PCNX2: variants seen among roughly 807,000 people sequenced by gnomAD.
PCNX2 encodes pecanex-like protein 2.
A neutral mutation model predicts 223.8 loss-of-function variants in PCNX2; 168 were observed. The observed-to-expected ratio is 0.75, with a 90% confidence interval of 0.66 to 0.85. The LOEUF (loss-of-function observed/expected upper bound fraction) is 0.85, where lower values mean the gene tolerates loss of function less well. Ranked by LOEUF, PCNX2 falls within the 40% of genes least tolerant of loss-of-function variation. The pLI, the probability that PCNX2 is intolerant of heterozygous loss-of-function variation, is 0.00. For missense variants in PCNX2, 2,507 were observed against 2,675.5 expected (o/e 0.94, Z 1.39); for synonymous variants, 1,006 against 1,052.6 (o/e 0.96, Z 0.86).
chr1:233,199,570 TAGAGA>T (rs146498214), intron 14 of PCNX2, among the ~76,000 whole-genome samples: 1,835 of 152,262 alleles, frequency 0.012, 17 homozygotes, highest in Non-Finnish European at 0.017. Context: ...TATTTCCATT[TAGAGA>T]AGAGAAGAGT....
intron 21 of PCNX2, among the ~76,000 whole-genome samples, chr1:233,118,146 C>A (rs1324278104): frequency 1.3e-5 from 2 of 152,060 alleles, no homozygotes; most frequent in African/African-American, 4.8e-5. Context: ...CACAGAATTA[C>A]ATCACCCAAT....
rs761193479 is a variant in PCNX2 at position 232,986,210 on chromosome 1, G to A, written c.6122C>T (p.Ala2041Val). The part of the protein sequence containing the change: ...FLFGKRSFSS[A>V]LVISGLSAAE... ...AGCAGAGAGTCCGGAAATGACGAGC[G>A]CGCTGGAAAAGCTCCTCTTGCCGAA... Residue 2041 changes from alanine to valine, a missense_variant, in exon 33 of 34, where the codon GCG (alanine) becomes GTG (valine). By Grantham distance (64) the Ala-to-Val change is moderately conservative (BLOSUM62 0). Coordinates refer to ENST00000258229, the MANE Select transcript of PCNX2 (RefSeq NM_014801.4). 18 of 1,559,248 alleles carry A rather than the reference G, an allele frequency of 1.2e-5. No homozygotes were observed. The highest frequency in any genetic ancestry group is 1.7e-4 in the Middle Eastern group (1 of 5,912).
chr1:233,153,224 G>C (rs1171922974), intron 19 of PCNX2, among the ~76,000 whole-genome samples: 1 of 152,170 alleles, frequency 6.6e-6, no homozygotes, highest in Non-Finnish European at 1.5e-5. Flanking sequence ...AGGAGCTCTT[G>C]AAAGTTTCTT....
chr1:233,152,641 A>C (rs906851485), intron 19 of PCNX2, among the ~76,000 whole-genome samples: 12 of 138,832 alleles, frequency 8.6e-5, no homozygotes, highest in Non-Finnish European at 2.9e-5. Flanking sequence ...AGGCATTCAG[A>C]TAGCACTATG....
chr1:232,990,515 C>T lies in PCNX2; in HGVS notation c.5792-3975G>A, dbSNP rs755272621. Among the ~76,000 whole-genome samples the T allele has an allele frequency of 1.3e-5, 2 of 152,316 alleles. No individual in the cohort carries two copies. Among genetic ancestry groups the T allele is most frequent in the South Asian group, 4.1e-4 (2 of 4,830 alleles). ...TCTTGGCTGTGACAGAACCTGCCTA[C>T]AGCTGCAACTCTGAGACCCAAGGGC... On this transcript the variant is annotated intron_variant, in intron 32 of 33. Coordinates refer to ENST00000258229, the MANE Select transcript of PCNX2 (RefSeq NM_014801.4). The surrounding 1 kb of genome is among the most constrained non-coding windows in gnomAD (Gnocchi z 4.3).
intron 21 of PCNX2, among the ~76,000 whole-genome samples, chr1:233,120,183 A>G (rs1222079169): frequency 4.1e-5 from 6 of 144,588 alleles, no homozygotes; most frequent in Admixed American, 6.8e-5. Flanking sequence ...AAAAAAAAAA[A>G]AGAAATAAAA....
intron 28 of PCNX2, among the ~76,000 whole-genome samples, chr1:233,006,806 G>T (rs1670301095): frequency 6.6e-6 from 1 of 152,168 alleles, no homozygotes. Flanking sequence ...TGGAACGCTT[G>T]TAGAACATAT....
rs192308550 is a variant in PCNX2, at chr1:233,065,868, G to A, written c.4077-8578C>T. ...GGAGACAAATTCCTAGGCAGATAGGGGTGGGTCCCTGGTGAAACCCAACCT... is the reference window on the plus strand; with the variant it reads ...GGAGACAAATTCCTAGGCAGATAGGAGTGGGTCCCTGGTGAAACCCAACCT... On this transcript the variant is annotated intron_variant, in intron 23 of 33. Coordinates refer to ENST00000258229, the MANE Select transcript of PCNX2 (RefSeq NM_014801.4). Among the ~76,000 whole-genome samples the A allele has an allele frequency of 3.4e-3, 511 of 152,234 alleles. 1 individual carries two copies. The highest frequency in any genetic ancestry group is 6.8e-3 in the Middle Eastern group (2 of 294).
the PCNX2 span, among the ~76,000 whole-genome samples, chr1:233,309,754 T>C: frequency 6.6e-6 from 1 of 151,682 alleles, no homozygotes; most frequent in South Asian, 2.1e-4. Context: ...GGTGGGCGCC[T>C]GTAGTCCCAG....
chr1:233,206,458 TAGTG>T (rs1212470191), intron 13 of PCNX2, among the ~76,000 whole-genome samples: 2 of 152,012 alleles, frequency 1.3e-5, no homozygotes, highest in African/African-American at 4.8e-5. Flanking sequence ...GCAGCCGACT[TAGTG>T]AGGAATATGG....
intron 23 of PCNX2, among the ~76,000 whole-genome samples, chr1:233,070,758 CAGG>C (rs1012692052): frequency 1.8e-4 from 27 of 152,072 alleles, no homozygotes; most frequent in Admixed American, 2.0e-4. Context: ...TACAGCTGGC[CAGG>C]CACAGTGGCT....
chr1:233,291,158 A>G, intron 1 of PCNX2: 1 of 918,152 alleles, frequency 1.1e-6, no homozygotes, highest in Non-Finnish European at 1.3e-6. Context: ...TAAATGCTGG[A>G]TTTTACCACT....
chr1:233,137,218 G>A (rs1676858994), intron 20 of PCNX2, among the ~76,000 whole-genome samples: 2 of 152,202 alleles, frequency 1.3e-5, no homozygotes, highest in African/African-American at 2.4e-5. Context: ...TTTCCTCTGA[G>A]TTCTCCGGTT....
At chr1:233,283,334 C>A (rs1486294101) in intron 1 of PCNX2, among the ~76,000 whole-genome samples, 1 of 152,166 alleles carries the variant, frequency 6.6e-6, no homozygotes, top group African/African-American at 2.4e-5. Flanking sequence ...GAGGCAAAGA[C>A]AACTAGTAGC....
intron 28 of PCNX2, among the ~76,000 whole-genome samples, chr1:233,008,489 G>T (rs1048504546): frequency 2.6e-5 from 4 of 152,150 alleles, no homozygotes; most frequent in Non-Finnish European, 4.4e-5. Context: ...ATCAATTACT[G>T]CCAGGCATAT....
rs377339176 is a variant in PCNX2 at position 232,986,175 on chromosome 1, C to G, written c.6157G>C (p.Gly2053Arg). 1.3e-6 allele frequency: 2 copies of G among 1,563,954 alleles called. No individual in the cohort carries two copies. The highest frequency in any genetic ancestry group is 1.4e-5 in the African/African-American group (1 of 73,800). The change falls in exon 33 of 34, where the codon GGC becomes CGC. Residue 2053 changes from glycine to arginine, a missense_variant. By Grantham distance (125) the Gly-to-Arg change is moderately radical (BLOSUM62 -2). Transcript: ENST00000258229. The stretch of plus-strand genomic sequence containing the variant: ...GATGACTGGGTGTCACTGGTATTGC[C>G]CCCCTCCGCAGCAGAGAGTCCGGAA... ...VISGLSAAEG[G>R]NTSDTQSSSS...
the PCNX2 span, among the ~76,000 whole-genome samples, chr1:233,306,459 A>G: frequency 6.6e-5 from 10 of 152,230 alleles, no homozygotes; most frequent in East Asian, 1.5e-3. Flanking sequence ...GGATGTCAAC[A>G]CTAGTGACAT....
chr1:233,036,396 CG>C (rs1261299650), intron 25 of PCNX2, among the ~76,000 whole-genome samples: 2 of 152,012 alleles, frequency 1.3e-5, no homozygotes, highest in Non-Finnish European at 2.9e-5. Flanking sequence ...TTTGGGAGGC[CG>C]AGGGGGTGGA....
chr1:233,234,519 T>C (rs1342935060), intron 9 of PCNX2, among the ~76,000 whole-genome samples: 2 of 152,240 alleles, frequency 1.3e-5, no homozygotes, highest in Non-Finnish European at 2.9e-5. Flanking sequence ...GTGACATTTA[T>C]AGGATTACAA....
Sources: allele counts gnomAD v4.1 joint callset (sites outside exome capture counted in the v4.1 genomes callset), GRCh38; gene constraint gnomAD v4.1.1; non-coding constraint Gnocchi (gnomAD v3.1); transcripts MANE v1.5; gene names NCBI Gene and HGNC (gene_info 2026-07-23, HGNC 2026-07-21).